The following RYR3 variants were observed in gnomAD, a reference collection of about 807,000 sequenced individuals.
RYR3 encodes the protein brain ryanodine receptor-calcium release channel.
Under a neutral mutation model 584.3 loss-of-function variants are expected in RYR3, and 207 were observed. The observed-to-expected ratio is 0.35, with a 90% confidence interval of 0.32 to 0.40. The LOEUF (loss-of-function observed/expected upper bound fraction) is 0.40, where lower values mean the gene tolerates loss of function less well. Ranked by LOEUF, RYR3 falls within the 10% of genes least tolerant of loss-of-function variation. RYR3 has a pLI of 1.00. For synonymous variants in RYR3, 2,416 were observed against 2,248.5 expected, an observed-to-expected ratio of 1.07 and a Z score of -2.11; for missense variants, 5,616 against 6,089.2, an observed-to-expected ratio of 0.92 and a Z score of 2.59.
intron 12 of RYR3, among the ~76,000 whole-genome samples, chr15:33,568,367 T>G (rs1365455621): frequency 1.3e-5 from 2 of 152,252 alleles, no homozygotes; most frequent in Non-Finnish European, 2.9e-5. Flanking sequence ...GTGGGAGTTA[T>G]GTGCCTGACA....
intron 5 of RYR3, among the ~76,000 whole-genome samples, chr15:33,538,212 C>T (rs1303575301): frequency 6.6e-6 from 1 of 152,076 alleles, no homozygotes; most frequent in Non-Finnish European, 1.5e-5. Flanking sequence ...GTCAGGTGGT[C>T]CTTGGTCTTC....
Position 33,372,370 on chromosome 15 carries a change from T to C in RYR3, c.51+61274T>C, listed in dbSNP as rs1190756879. Among the ~76,000 whole-genome samples the C allele has an allele frequency of 4.9e-5, 7 of 143,564 alleles. No homozygotes were observed. The South Asian group carries it at 1.2e-3, about 24-fold the overall frequency. 94.2% of individuals were successfully genotyped at this position (143,564 alleles called of 152,430 possible). ...CCATGCCCGGCTAATTTTTTTTTTTTTTTTTTTTTTTTTGGAGGTGGAGTC... is the reference window on the plus strand; with the variant it reads ...CCATGCCCGGCTAATTTTTTTTTTTCTTTTTTTTTTTTTGGAGGTGGAGTC... On this transcript the variant is annotated intron_variant, in intron 1 of 103. Coordinates refer to ENST00000634891, the MANE Select transcript of RYR3 (RefSeq NM_001036.6).
chr15:33,818,529 G>A (rs763882718), intron 75 of RYR3, 49 bp from the exon 76 acceptor site: 25 of 1,397,888 alleles, frequency 1.8e-5, no homozygotes, highest in African/African-American at 2.8e-5. Context: ...CAGTCACGTG[G>A]CACGAGATTA....
intron 41 of RYR3, among the ~76,000 whole-genome samples, chr15:33,700,318 G>A (rs764161379): frequency 3.3e-5 from 5 of 152,190 alleles, no homozygotes; most frequent in Admixed American, 6.5e-5. Flanking sequence ...AAGAGCAATC[G>A]TGGATAAACA....
chr15:33,788,445 G>C lies in RYR3; in HGVS notation c.9817G>C (p.Val3273Leu). 1 of 1,613,804 alleles carries C rather than the reference G, an allele frequency of 6.2e-7. No individual in the cohort carries two copies. The highest frequency in any genetic ancestry group is 8.5e-7 in the Non-Finnish European group (1 of 1,179,710). ...CTTCTACCCCATGCTGATCCGCTAC[G>C]TGGACAACAACAGGTACGGAGGAGA... ...YAFYPMLIRY[V>L]DNNRSNWLKS... is the part of the protein sequence containing the mutation. Residue 3273 changes from valine to leucine, a missense_variant, in exon 67 of 104, where the codon GTG (valine) becomes CTG (leucine). Val to Leu is a conservative substitution (Grantham distance 32, BLOSUM62 1). This residue lies in a region of RYR3 where 954 missense variants were observed against 1,132.2 expected (regional missense o/e 0.84). Coordinates refer to ENST00000634891, the MANE Select transcript of RYR3 (RefSeq NM_001036.6).
In RYR3 at chr15:33,605,246, G is replaced by T. The variant is rs182425751; in HGVS notation, c.2164+1882G>T. ...GAATGAATACATCAGTGAGTCAGGA[G>T]GCATGGAACCCATTCATGGTGCATC... On this transcript the variant is annotated intron_variant, in intron 18 of 103. Coordinates refer to ENST00000634891, the MANE Select transcript of RYR3 (RefSeq NM_001036.6). 6.6e-5 allele frequency among the ~76,000 whole-genome samples: 10 copies of T among 152,286 alleles called. No individual in the cohort carries two copies. The East Asian group carries it at 1.9e-3, about 29-fold the overall frequency.
At chr15:33,705,401 C>T (rs6495219) in intron 42 of RYR3, among the ~76,000 whole-genome samples, 12,140 of 151,836 alleles carry the variant, frequency 0.08, 1,013 homozygotes, top group African/African-American at 0.21. Flanking sequence ...ATTTATTGAA[C>T]AGCTACTATG....
At chr15:33,501,275 G>A (rs1001542961) in intron 2 of RYR3, among the ~76,000 whole-genome samples, 7 of 152,010 alleles carry the variant, frequency 4.6e-5, no homozygotes, top group Admixed American at 1.3e-4. Context: ...CTTCAAAATG[G>A]CTGATGGCAG....
intron 16 of RYR3, among the ~76,000 whole-genome samples, chr15:33,592,086 A>G (rs1392149649): frequency 2.6e-5 from 4 of 152,256 alleles, no homozygotes; most frequent in Non-Finnish European, 4.4e-5. Flanking sequence ...AATGAAAACC[A>G]GAAACAAATG....
In RYR3 at chr15:33,601,610, A is replaced by G. The variant is rs186397436; in HGVS notation, c.1922+58A>G. The stretch of plus-strand genomic sequence containing the variant: ...CATAGTTCTGCCTGTCTTGTCCCCA[A>G]GCAGGAAAAGAGGGCTCATCTGAAC... On this transcript the variant is annotated intron_variant, in intron 17 of 103. Transcript: ENST00000634891. 84 of 1,596,846 alleles carry G rather than the reference A, an allele frequency of 5.3e-5. 1 individual carries two copies. The highest frequency in any genetic ancestry group is 6.7e-5 in the Admixed American group (4 of 59,650).
chr15:33,533,444 C>T (rs2055050743), intron 5 of RYR3, 55 bp downstream of exon 5: 2 of 1,276,120 alleles, frequency 1.6e-6, no homozygotes, highest in Non-Finnish European at 2.2e-6. Context: ...GGCTAAGGGG[C>T]TTTTGAGAAG....
intron 1 of RYR3, among the ~76,000 whole-genome samples, chr15:33,355,852 C>T (rs990448057): frequency 7.9e-5 from 12 of 152,168 alleles, no homozygotes; most frequent in African/African-American, 2.7e-4. Flanking sequence ...CCTAGGTTCC[C>T]GCCACACAAT....
chr15:33,774,123 T>C (rs2073827594), intron 64 of RYR3, among the ~76,000 whole-genome samples: 1 of 152,220 alleles, frequency 6.6e-6, no homozygotes, highest in Non-Finnish European at 1.5e-5. Context: ...TACTCTTGAG[T>C]CTGAGCAAGC....
At chr15:33,408,741 T>C (rs1307679909) in intron 1 of RYR3, among the ~76,000 whole-genome samples, 2 of 152,192 alleles carry the variant, frequency 1.3e-5, no homozygotes, top group Non-Finnish European at 2.9e-5. Context: ...GATACACAAA[T>C]ATTTTTAAAG....
intron 1 of RYR3, among the ~76,000 whole-genome samples, chr15:33,402,900 G>T (rs1383479121): frequency 2.0e-5 from 3 of 152,238 alleles, no homozygotes; most frequent in Non-Finnish European, 4.4e-5. Context: ...GAGGCAGGCT[G>T]TTGGGAATCT....
chr15:33,732,893 A>G (rs1319070189), intron 48 of RYR3, among the ~76,000 whole-genome samples: 1 of 152,180 alleles, frequency 6.6e-6, no homozygotes, highest in Non-Finnish European at 1.5e-5. Flanking sequence ...CCAGCTGAGT[A>G]TGGTCTTGAT....
intron 58 of RYR3, 147 bp from the exon 59 acceptor site, chr15:33,756,159 A>G: frequency 3.0e-6 from 2 of 666,356 alleles, no homozygotes; most frequent in Non-Finnish European, 5.5e-6. Context: ...TAACCAGGAC[A>G]GTTGTAAAGT....
chr15:33,856,619 GATATCCACCAGTCCAA>G (rs1238780694), intron 98 of RYR3: 1 of 152,748 alleles, frequency 6.5e-6, no homozygotes, highest in East Asian at 1.9e-4. Context: ...ATAAGGTAGG[GATATCCACCAGTCCAA>G]AGAACCTTTG....
At chr15:33,787,679 G>T (rs1239861137) in intron 66 of RYR3, among the ~76,000 whole-genome samples, 1 of 152,164 alleles carries the variant, frequency 6.6e-6, no homozygotes, top group African/African-American at 2.4e-5. Context: ...AGAGCCCAGA[G>T]GAGTCTCCAG....
Sources: gnomAD v4.1 joint callset for allele counts (sites outside exome capture counted in the v4.1 genomes callset) on GRCh38, gnomAD v4.1.1 for gene constraint, gnomAD v4.1.1 regional missense constraint, MANE v1.5 for transcripts, NCBI Gene and HGNC (gene_info 2026-07-23, HGNC 2026-07-21) for gene names.